Variants in MTUS2 observed in about 807,000 individuals in gnomAD.
The protein encoded by MTUS2 is microtubule associated scaffold protein 2, also known as microtubule-associated tumor suppressor candidate 2.
In MTUS2, 40 loss-of-function variants were observed where a neutral mutation model predicts 114.1. The ratio of observed to expected loss-of-function variants is 0.35; its 90% CI spans 0.27 to 0.46. The LOEUF (loss-of-function observed/expected upper bound fraction) is 0.46, where lower values mean the gene tolerates loss of function less well. Among genes scored for constraint, MTUS2 ranks in the 20% least tolerant of loss-of-function variants. The pLI, the probability that MTUS2 is intolerant of heterozygous loss-of-function variation, is 1.00. For synonymous variants in MTUS2, 688 were observed against 672.0 expected (o/e 1.02, Z -0.37); for missense variants, 1,679 against 1,705.4 (o/e 0.98, Z 0.27).
intron 2 of MTUS2, among the ~76,000 whole-genome samples, chr13:29,008,586 T>C (rs1033571649): frequency 6.6e-6 from 1 of 152,222 alleles, no homozygotes; most frequent in African/African-American, 2.4e-5. Context: ...TGTTTGAAAA[T>C]GTATTTATTC....
chr13:28,928,902 T>C (rs1240245708), intron 2 of MTUS2, among the ~76,000 whole-genome samples: 50 of 152,326 alleles, frequency 3.3e-4, no homozygotes, highest in South Asian at 2.1e-4. Context: ...CCCACAGATA[T>C]GTGTGCGTAT....
At chr13:29,389,363 G>GTATACACGTGTGTATGTATGTATA (rs1566172606) in intron 8 of MTUS2, among the ~76,000 whole-genome samples, 1,672 of 57,608 alleles carry the variant, frequency 0.029, 213 homozygotes, top group Middle Eastern at 0.086. Flanking sequence ...ATATATGTAT[G>GTATACACGTGTGTATGTATGTATA]CACGTGTGTG....
intron 6 of MTUS2, among the ~76,000 whole-genome samples, chr13:29,324,168 C>CG (rs1377761123): frequency 1.3e-5 from 2 of 152,210 alleles, no homozygotes; most frequent in Non-Finnish European, 2.9e-5. Context: ...CCATGTCCCC[C>CG]GTGGCTTGGC....
intron 5 of MTUS2, among the ~76,000 whole-genome samples, chr13:29,201,987 G>T (rs551821079): frequency 1.3e-5 from 2 of 152,256 alleles, no homozygotes; most frequent in South Asian, 4.1e-4. Context: ...GTGTCTTGGG[G>T]TTGCTCTTCT....
At chr13:29,052,559 A>G (rs1177965587) in intron 4 of MTUS2, among the ~76,000 whole-genome samples, 2 of 152,204 alleles carry the variant, frequency 1.3e-5, no homozygotes, top group African/African-American at 4.8e-5. Context: ...AAATGGTCCA[A>G]GCAAATGGAC....
At chr13:29,050,517 G>C (rs569496787) in intron 4 of MTUS2, among the ~76,000 whole-genome samples, 1 of 152,050 alleles carries the variant, frequency 6.6e-6, no homozygotes, top group Non-Finnish European at 1.5e-5. Flanking sequence ...CTTTCTCCCT[G>C]ATTCTCAAAT....
At chr13:29,482,319 A>G (rs778164007) in intron 10 of MTUS2, 15 of 152,232 alleles carry the variant, frequency 9.9e-5, no homozygotes, top group Non-Finnish European at 1.6e-4. Flanking sequence ...GCATGTGCCG[A>G]GAGATGTGCT....
intron 2 of MTUS2, among the ~76,000 whole-genome samples, chr13:28,881,177 C>T (rs1400757527): frequency 6.6e-6 from 1 of 152,102 alleles, no homozygotes; most frequent in Non-Finnish European, 1.5e-5. Context: ...ATTGTTATGT[C>T]CATGTGTACT....
chr13:29,403,402 G>T (rs939187903), intron 8 of MTUS2, among the ~76,000 whole-genome samples: 2 of 152,140 alleles, frequency 1.3e-5, no homozygotes, highest in African/African-American at 4.8e-5. Context: ...AGGAAACTGG[G>T]AATACTCTGT....
intron 2 of MTUS2, among the ~76,000 whole-genome samples, chr13:28,851,170 A>G (rs969382152): frequency 6.6e-6 from 1 of 152,206 alleles, no homozygotes; most frequent in African/African-American, 2.4e-5. Context: ...GCCTTTACTT[A>G]TGTTGGTATA....
chr13:28,963,894 C>T (rs1408193376), intron 2 of MTUS2, among the ~76,000 whole-genome samples: 1 of 152,162 alleles, frequency 6.6e-6, no homozygotes, highest in Non-Finnish European at 1.5e-5. Flanking sequence ...CATCTCTTGC[C>T]ACTCCTCTGG....
intron 5 of MTUS2, among the ~76,000 whole-genome samples, chr13:29,252,938 C>T (rs562963240): frequency 1.4e-4 from 22 of 151,974 alleles, no homozygotes; most frequent in Non-Finnish European, 2.1e-4. Context: ...ACCTTGTCTC[C>T]GGTATGTCTT....
At chr13:29,130,872 C>T (rs1308877142) in intron 5 of MTUS2, among the ~76,000 whole-genome samples, 1 of 152,206 alleles carries the variant, frequency 6.6e-6, no homozygotes. Context: ...GATCCGCCTG[C>T]CTCAGCCCCC....
rs145279344 is a variant in MTUS2, at chr13:29,008,521, G to C, written c.-242-15936G>C. Among the ~76,000 whole-genome samples the C allele has an allele frequency of 1.5e-3, 222 of 152,246 alleles. 2 individuals carry two copies. The highest frequency in any genetic ancestry group is 4.8e-3 in the African/African-American group (201 of 41,546). On this transcript the variant is annotated intron_variant, in intron 2 of 15. Coordinates refer to ENST00000612955, the MANE Select transcript of MTUS2 (RefSeq NM_001033602.4). ...TCTTCTTCATTTACATAGTCATTTT[G>C]CAGAAGCATATTCTTTAGAGGTTTG...
intron 5 of MTUS2, among the ~76,000 whole-genome samples, chr13:29,173,994 T>G (rs539991299): frequency 6.6e-6 from 1 of 152,210 alleles, no homozygotes; most frequent in African/African-American, 2.4e-5. Flanking sequence ...AAATATGGAC[T>G]CCTACACCCT....
At chr13:29,458,154 T>C (rs931740466) in intron 9 of MTUS2, among the ~76,000 whole-genome samples, 21 of 152,222 alleles carry the variant, frequency 1.4e-4, no homozygotes, top group Admixed American at 1.1e-3. Flanking sequence ...GAATGGCACC[T>C]GCTGCCTTCA....
rs1260469682 is a variant in MTUS2 at position 29,280,306 on chromosome 13, T to C, written c.2645-1398T>C. Among the ~76,000 whole-genome samples the C allele has an allele frequency of 2.0e-5, 3 of 152,246 alleles. No individual in the cohort carries two copies. The East Asian group carries it at 5.8e-4, about 29-fold the overall frequency. ...TTATTTTCTTTGCATAGATCAAATATATTCTGTTAGTCCTATGCAGAACTA... is the reference window on the plus strand; with the variant it reads ...TTATTTTCTTTGCATAGATCAAATACATTCTGTTAGTCCTATGCAGAACTA... On this transcript the variant is annotated intron_variant, in intron 5 of 15. Transcript: ENST00000612955.
chr13:28,956,966 G>C (rs527555534), intron 2 of MTUS2, among the ~76,000 whole-genome samples: 3 of 151,906 alleles, frequency 2.0e-5, no homozygotes, highest in East Asian at 1.9e-4. Context: ...AGGGAAGAAG[G>C]CTGCCCTAGA....
chr13:29,431,773 A>G (rs998687994), intron 8 of MTUS2, among the ~76,000 whole-genome samples: 1 of 152,186 alleles, frequency 6.6e-6, no homozygotes, highest in African/African-American at 2.4e-5. Flanking sequence ...AGTGGGAGAT[A>G]TGGTGCATAG....
Sources: allele counts gnomAD v4.1 joint callset (sites outside exome capture counted in the v4.1 genomes callset), GRCh38; gene constraint gnomAD v4.1.1; transcripts MANE v1.5; gene names NCBI Gene and HGNC (gene_info 2026-07-23, HGNC 2026-07-21).